Variants in BFAR observed in about 807,000 individuals in gnomAD.
BFAR encodes RING finger protein 47.
Under a neutral mutation model 54.4 loss-of-function variants are expected in BFAR, and 52 were observed. The ratio of observed to expected loss-of-function variants is 0.96; its 90% confidence interval spans 0.77 to 1.21. The LOEUF (loss-of-function observed/expected upper bound fraction) is 1.21, where lower values mean the gene tolerates loss of function less well. BFAR is among the 50% of genes most tolerant of loss of function. The pLI is 0.00. For synonymous variants in BFAR, 215 were observed against 204.3 expected, an observed-to-expected ratio of 1.05 and a Z score of -0.45; for missense variants, 571 against 534.0, an observed-to-expected ratio of 1.07 and a Z score of -0.68.
chr16:14,634,101 A>C (rs1029540933), intron 1 of BFAR, among the ~76,000 whole-genome samples: 1 of 152,194 alleles, frequency 6.6e-6, no homozygotes, highest in South Asian at 2.1e-4. Context: ...TTAAGCCCTC[A>C]ACTGTCGCCA....
At chr16:14,634,296 A>G (rs1056159486) in intron 1 of BFAR, among the ~76,000 whole-genome samples, 1 of 152,184 alleles carries the variant, frequency 6.6e-6, no homozygotes, top group Non-Finnish European at 1.5e-5. Flanking sequence ...TTTTCTCAAC[A>G]TCCAGCCTGG....
intron 5 of BFAR, among the ~76,000 whole-genome samples, chr16:14,656,860 T>C (rs1027771280): frequency 3.9e-5 from 6 of 152,052 alleles, no homozygotes; most frequent in African/African-American, 1.4e-4. Context: ...CCCAGCACTT[T>C]GGGAGGCCGA....
rs1249645918 is a variant in BFAR at position 14,667,819 on chromosome 16, G to A, written c.1345G>A (p.Val449Met). Reference sequence around the variant, plus strand: ...GGAACTCCGGCGGCTGGAAACCCAGGTGTTGTGACTGGCACTGCCCAGGCT... The same window carrying A: ...GGAACTCCGGCGGCTGGAAACCCAGATGTTGTGACTGGCACTGCCCAGGCT... ...VKELRRLETQ[V>M]L Residue 449 changes from valine to methionine, a missense_variant, in exon 8 of 8, where the codon GTG (valine) becomes ATG (methionine). Val to Met is a conservative substitution (Grantham distance 21). Transcript: ENST00000261658. 1.9e-6 allele frequency: 3 copies of A among 1,614,038 alleles called. No homozygotes were observed. The highest frequency in any genetic ancestry group is 2.7e-5 in the African/African-American group (2 of 75,046).
At chr16:14,666,572 A>T (rs536964066) in intron 7 of BFAR, among the ~76,000 whole-genome samples, 4 of 152,208 alleles carry the variant, frequency 2.6e-5, no homozygotes, top group African/African-American at 9.6e-5. Context: ...AGTCCATCTC[A>T]AAAAACCCCC....
At chr16:14,664,840 C>T in intron 6 of BFAR, 29 bp from the exon 7 acceptor site, 2 of 1,593,192 alleles carry the variant, frequency 1.3e-6, no homozygotes, top group Non-Finnish European at 1.7e-6. Flanking sequence ...GTCCTCATGA[C>T]TTTTTGCGTC....
intron 3 of BFAR, among the ~76,000 whole-genome samples, chr16:14,649,543 A>G (rs912668564): frequency 2.0e-5 from 3 of 152,220 alleles, no homozygotes; most frequent in African/African-American, 7.2e-5. Flanking sequence ...ACCTGCTCCC[A>G]GGTGCCTGAG....
rs774393097 is a variant in BFAR, at chr16:14,661,392, C to CTTTTTTTTTTT, written c.784-483_784-473dup. On this transcript the variant is annotated intron_variant, in intron 5 of 7. Transcript: ENST00000261658. ...CCCCAGCTAGAGCTAGAGATTGGAT[C>CTTTTTTTTTTT]TTTTTTTTTTTTTTTTTTTTTTTTT... Among the ~76,000 whole-genome samples, 22 of 65,100 alleles carry CTTTTTTTTTTT rather than the reference C, an allele frequency of 3.4e-4. 3 individuals carry two copies. Among genetic ancestry groups the CTTTTTTTTTTT allele is most frequent in the Non-Finnish European group, 4.9e-4 (17 of 34,394 alleles). 42.7% of individuals were successfully genotyped at this position (65,100 alleles called of 152,430 possible). A position where few individuals can be genotyped will look rare whatever the true frequency, so the allele number is the denominator to read the frequency against.
rs146968176 is a variant in BFAR, at chr16:14,658,311, CTTA to C, written c.783+3106_783+3108del. Among the ~76,000 whole-genome samples the C allele has an allele frequency of 1.7e-4, 26 of 152,206 alleles. No individual in the cohort carries two copies. In the East Asian group the frequency reaches 4.4e-3, roughly 26 times the overall value. ...GGAAGGGTGGTCACCCCACCCTAAT[CTTA>C]TTATGCAAAGGAACTTTCTGTCCCC... On this transcript the variant is annotated intron_variant, in intron 5 of 7. Coordinates refer to ENST00000261658, the MANE Select transcript of BFAR (RefSeq NM_016561.3).
chr16:14,662,199 G>A, intron 6 of BFAR, 134 bp downstream of exon 6: 1 of 1,052,726 alleles, frequency 9.5e-7, no homozygotes, highest in Non-Finnish European at 1.4e-6. Context: ...GGTCATTTGA[G>A]AGTAATATCC....
chr16:14,669,028 TC>T lies in BFAR; in HGVS notation c.*1203del. 1 of 453,786 alleles carries T rather than the reference TC, an allele frequency of 2.2e-6. No individual in the cohort carries two copies. Among genetic ancestry groups the T allele is most frequent in the South Asian group, 1.6e-5 (1 of 63,890 alleles). The allele number at this position is 453,786 out of a possible 1,614,324, so 28.1% of individuals were successfully genotyped here. A position where few individuals can be genotyped will look rare whatever the true frequency, so the allele number is the denominator to read the frequency against. ...AGTGAACTATGGCCTTTTATTTCCT[TC>T]CAGTGTGAACACAGCAGGTGTGAGA... On this transcript the variant is annotated 3_prime_UTR_variant, in exon 8 of 8. Coordinates refer to ENST00000261658, the MANE Select transcript of BFAR (RefSeq NM_016561.3).
At chr16:14,659,947 G>A (rs1435736666) in intron 5 of BFAR, among the ~76,000 whole-genome samples, 2 of 152,212 alleles carry the variant, frequency 1.3e-5, no homozygotes, top group African/African-American at 2.4e-5. Flanking sequence ...CATAGCATCA[G>A]CTAAATTGAA....
At chr16:14,661,645 C>T (rs780242538) in intron 5 of BFAR, among the ~76,000 whole-genome samples, 2 of 151,968 alleles carry the variant, frequency 1.3e-5, no homozygotes, top group Non-Finnish European at 2.9e-5. Flanking sequence ...TCAAGTGATC[C>T]GTCCACCTCG....
Position 14,668,190 on chromosome 16 carries a change from C to T in BFAR, c.*363C>T, listed in dbSNP as rs1372652236. On this transcript the variant is annotated 3_prime_UTR_variant, in exon 8 of 8. Coordinates refer to ENST00000261658, the MANE Select transcript of BFAR (RefSeq NM_016561.3). ...GTGCCACATCAGTCCCCTCCCCAAC[C>T]TCAGTGACTGACAGAGGATCCGGAT... The T allele has an allele frequency of 4.2e-6, 1 of 236,330 alleles. No individual in the cohort carries two copies. Among genetic ancestry groups the T allele is most frequent in the Admixed American group, 5.0e-5 (1 of 19,804 alleles). The allele number at this position is 236,330 out of a possible 1,614,324, so 14.6% of individuals were successfully genotyped here.
intron 1 of BFAR, among the ~76,000 whole-genome samples, chr16:14,636,793 A>G (rs1307620677): frequency 6.6e-6 from 1 of 152,246 alleles, no homozygotes; most frequent in Non-Finnish European, 1.5e-5. Context: ...TTTCCTAGGC[A>G]GAGGTCCCTG....
Position 14,648,457 on chromosome 16 carries a change from CAT to C in BFAR, c.335_336del (p.Ile112SerfsTer13). ...RFEDIQQNNDIVQSLAAFQKY... is the reference protein window; with the variant it reads ...RFEDIQQNNDXVQSLAAFQKY... Reference sequence around the variant, plus strand: ...TTGAAGACATTCAGCAGAATAATGACATAGTCCAAAGTCTTGCAGCCTTTCAG... The same window carrying C: ...TTGAAGACATTCAGCAGAATAATGACAGTCCAAAGTCTTGCAGCCTTTCAG... On this transcript the variant is annotated frameshift_variant, in exon 3 of 8. Transcript: ENST00000261658. LOFTEE classifies it high-confidence loss of function. 1 of 1,613,764 alleles carries C rather than the reference CAT, an allele frequency of 6.2e-7. No individual in the cohort carries two copies. The highest frequency in any genetic ancestry group is 8.5e-7 in the Non-Finnish European group (1 of 1,179,716).
At chr16:14,642,656 G>C (rs1288614988) in intron 1 of BFAR, among the ~76,000 whole-genome samples, 2 of 152,084 alleles carry the variant, frequency 1.3e-5, no homozygotes, top group African/African-American at 4.8e-5. Context: ...GGCAGATTTG[G>C]CCTGGCACAG....
chr16:14,646,740 C>T (rs945512029), intron 2 of BFAR, among the ~76,000 whole-genome samples: 1 of 151,992 alleles, frequency 6.6e-6, no homozygotes, highest in Non-Finnish European at 1.5e-5. Flanking sequence ...TCAGGTGATC[C>T]GCCCGCCTCA....
At chr16:14,666,294 G>A (rs1567497598) in intron 7 of BFAR, among the ~76,000 whole-genome samples, 1 of 152,196 alleles carries the variant, frequency 6.6e-6, no homozygotes, top group Non-Finnish European at 1.5e-5. Flanking sequence ...GCTGTTGCCA[G>A]GTGCAGTGGT....
chr16:14,644,887 G>C (rs988726545), intron 2 of BFAR, among the ~76,000 whole-genome samples: 2 of 152,048 alleles, frequency 1.3e-5, no homozygotes, highest in Non-Finnish European at 2.9e-5. Context: ...TGGATCTTCT[G>C]GAATATGAGT....
Sources: allele counts gnomAD v4.1 joint callset (sites outside exome capture counted in the v4.1 genomes callset), GRCh38; gene constraint gnomAD v4.1.1; transcripts MANE v1.5; gene names NCBI Gene and HGNC (gene_info 2026-07-23, HGNC 2026-07-21).